TENM2: variants seen among roughly 807,000 people sequenced by gnomAD.
TENM2 encodes teneurin transmembrane protein 2, also known as teneurin-2.
Under a neutral mutation model 245.2 loss-of-function variants are expected in TENM2, and 52 were observed. The observed-to-expected ratio is 0.21, with a 90% CI of 0.17 to 0.27. The LOEUF (loss-of-function observed/expected upper bound fraction) is 0.27, where lower values mean the gene tolerates loss of function less well. TENM2 is among the 10% of genes least tolerant of loss of function. The pLI is 1.00. For synonymous variants in TENM2, 1,363 were observed against 1,438.9 expected, an observed-to-expected ratio of 0.95 and a Z score of 1.19; for missense variants, 3,046 against 3,666.8, an observed-to-expected ratio of 0.83 and a Z score of 4.37.
Position 168,006,962 on chromosome 5 carries a change from G to A in TENM2, c.1186+13780G>A, listed in dbSNP as rs1412361448. On this transcript the variant is annotated intron_variant, in intron 5 of 28. Coordinates refer to ENST00000518659, the Ensembl canonical transcript of TENM2. ...CAGGATGGTTTGGGGTCGTGGTTAC[G>A]GCTGTTTTATTTTTACTCACCTCTG... Among the ~76,000 whole-genome samples the A allele has an allele frequency of 2.6e-5, 4 of 152,082 alleles. No homozygotes were observed. The East Asian group carries it at 5.8e-4, about 22-fold the overall frequency.
intron 2 of TENM2, among the ~76,000 whole-genome samples, chr5:167,714,455 C>G (rs1013794237): frequency 6.6e-6 from 1 of 152,036 alleles, no homozygotes; most frequent in African/African-American, 2.4e-5. Context: ...ATACTGGAAA[C>G]AAGAGCAAGG....
chr5:167,388,149 C>T (rs557659330), intron 2 of TENM2, among the ~76,000 whole-genome samples: 1 of 152,090 alleles, frequency 6.6e-6, no homozygotes, highest in South Asian at 2.1e-4. Context: ...TGGTCCTGGA[C>T]TTTTCTTTTT....
intron 2 of TENM2, among the ~76,000 whole-genome samples, chr5:167,645,658 T>G (rs569430503): frequency 6.6e-6 from 1 of 152,156 alleles, no homozygotes; most frequent in South Asian, 2.1e-4. Flanking sequence ...AAAGGATGCT[T>G]TTTCGTAAGA....
chr5:167,375,211 C>A, exon 2 of TENM2: 2 of 1,551,576 alleles, frequency 1.3e-6, no homozygotes, highest in Non-Finnish European at 1.7e-6. Context: ...CCAACTTCAC[C>A]CTTGCCGAAC....
chr5:167,876,682 T>C (rs1200766298), intron 3 of TENM2, among the ~76,000 whole-genome samples: 2 of 152,190 alleles, frequency 1.3e-5, no homozygotes, highest in Non-Finnish European at 2.9e-5. Context: ...GAAATTACAA[T>C]GTGTTCCGTT....
intron 1 of TENM2, among the ~76,000 whole-genome samples, chr5:167,353,955 A>T (rs1759144788): frequency 6.6e-6 from 1 of 152,236 alleles, no homozygotes; most frequent in African/African-American, 2.4e-5. Context: ...CATATTGTAA[A>T]ATAAATAAAT....
chr5:167,897,423 G>A (rs1775308047), intron 3 of TENM2, among the ~76,000 whole-genome samples: 1 of 152,050 alleles, frequency 6.6e-6, no homozygotes, highest in African/African-American at 2.4e-5. Context: ...AGAGCTGGTT[G>A]TAACACAGAT....
intron 1 of TENM2, among the ~76,000 whole-genome samples, chr5:167,354,218 T>C (rs935385165): frequency 2.6e-5 from 4 of 152,228 alleles, no homozygotes; most frequent in African/African-American, 7.2e-5. Context: ...GTCCTTATGG[T>C]GTCACAGTTC....
At chr5:167,986,383 C>T (rs942896646) in intron 4 of TENM2, among the ~76,000 whole-genome samples, 3 of 152,186 alleles carry the variant, frequency 2.0e-5, no homozygotes, top group African/African-American at 7.2e-5. Context: ...AGAACCTTTG[C>T]CTTACTATTC....
the TENM2 span, among the ~76,000 whole-genome samples, chr5:167,088,049 A>G: frequency 3.3e-5 from 5 of 152,004 alleles, no homozygotes; most frequent in African/African-American, 1.2e-4. Flanking sequence ...TGGCCTCCCA[A>G]AGTGCTGGGA....
At chr5:167,882,063 A>G (rs1773922407) in intron 3 of TENM2, among the ~76,000 whole-genome samples, 2 of 152,180 alleles carry the variant, frequency 1.3e-5, no homozygotes, top group Non-Finnish European at 2.9e-5. Flanking sequence ...AACCTTCCTA[A>G]TTGCAGAGAC....
Position 168,209,304 on chromosome 5 carries a change from C to G in TENM2, c.3825-2430C>G, listed in dbSNP as rs73385763. 3.5e-3 allele frequency among the ~76,000 whole-genome samples: 527 copies of G among 152,252 alleles called. 4 individuals carry two copies. The highest frequency in any genetic ancestry group is 0.012 in the African/African-American group (500 of 41,546). On this transcript the variant is annotated intron_variant, in intron 19 of 28. Coordinates refer to ENST00000518659, the Ensembl canonical transcript of TENM2. ...AATCTAAATAGTCTTTGAAATGATG[C>G]TCATTAACCAGTTTGTCATTGATGT...
At chr5:168,238,273 A>AGAAAAGAAAAGAAAG (rs1765775045) in intron 25 of TENM2, among the ~76,000 whole-genome samples, 3 of 150,064 alleles carry the variant, frequency 2.0e-5, no homozygotes, top group African/African-American at 5.0e-5. Flanking sequence ...AGAAAAGAAA[A>AGAAAAGAAAAGAAAG]GAAAAGAAAA....
intron 7 of TENM2, among the ~76,000 whole-genome samples, chr5:168,070,492 A>T (rs1790892318): frequency 6.6e-6 from 1 of 152,120 alleles, no homozygotes; most frequent in Non-Finnish European, 1.5e-5. Context: ...TTTAGAAAGT[A>T]AACTTTAGGC....
chr5:167,449,141 A>C (rs537189927), intron 2 of TENM2, among the ~76,000 whole-genome samples: 1 of 152,310 alleles, frequency 6.6e-6, no homozygotes, highest in South Asian at 2.1e-4. Context: ...GTAAAAGCTA[A>C]AGCTTGTAGG....
At chr5:167,316,096 G>C (rs1474562162) in intron 1 of TENM2, among the ~76,000 whole-genome samples, 1 of 152,034 alleles carries the variant, frequency 6.6e-6, no homozygotes, top group African/African-American at 2.4e-5. Context: ...TTCACTCCCT[G>C]TTCTTTTTTA....
At chr5:168,079,724 G>A (rs987157328) in intron 7 of TENM2, among the ~76,000 whole-genome samples, 21 of 152,278 alleles carry the variant, frequency 1.4e-4, no homozygotes, top group African/African-American at 4.1e-4. Context: ...TTATGTGATG[G>A]ATTGCATTTA....
intron 2 of TENM2, among the ~76,000 whole-genome samples, chr5:167,421,397 A>G (rs1450300889): frequency 6.6e-6 from 1 of 152,218 alleles, no homozygotes; most frequent in African/African-American, 2.4e-5. Context: ...AACTTAAATT[A>G]AGTGCCTATT....
intron 2 of TENM2, among the ~76,000 whole-genome samples, chr5:167,516,083 T>G (rs1402334372): frequency 6.6e-6 from 1 of 152,100 alleles, no homozygotes; most frequent in African/African-American, 2.4e-5. Flanking sequence ...ATGCTAGTTT[T>G]TGTATCAAAA....
Sources: gnomAD v4.1 joint callset for allele counts (sites outside exome capture counted in the v4.1 genomes callset) on GRCh38, gnomAD v4.1.1 for gene constraint, MANE v1.5 for transcripts, NCBI Gene and HGNC (gene_info 2026-07-23, HGNC 2026-07-21) for gene names.